Variants in UBE2K observed in about 807,000 individuals in gnomAD.
The protein encoded by UBE2K is ubiquitin conjugating enzyme E2 K, also known as ubiquitin-conjugating enzyme E2 K.
In UBE2K, 6 loss-of-function variants were observed where a neutral mutation model predicts 30.0. The observed-to-expected ratio is 0.20, with a 90% CI of 0.11 to 0.39. The LOEUF (loss-of-function observed/expected upper bound fraction) is 0.39, where lower values mean the gene tolerates loss of function less well. Ranked by LOEUF, UBE2K falls within the 10% of genes least tolerant of loss-of-function variation. UBE2K has a pLI of 1.00. For missense variants in UBE2K, 61 were observed against 241.6 expected (o/e 0.25, Z 4.96); for synonymous variants, 86 against 83.7 (o/e 1.03, Z -0.15).
At chr4:39,774,235 C>T (rs939639702) in intron 4 of UBE2K, among the ~76,000 whole-genome samples, 11 of 151,996 alleles carry the variant, frequency 7.2e-5, no homozygotes, top group Admixed American at 5.2e-4. Flanking sequence ...GCCCAGGAGG[C>T]GGAGGTTGCA....
At chr4:39,746,664 G>T (rs540215698) in intron 3 of UBE2K, among the ~76,000 whole-genome samples, 2 of 152,224 alleles carry the variant, frequency 1.3e-5, no homozygotes, top group Admixed American at 1.3e-4. Flanking sequence ...CACAATGTGG[G>T]TCTCATTTTC....
intron 1 of UBE2K, among the ~76,000 whole-genome samples, chr4:39,726,220 T>G (rs1719744259): frequency 1.3e-5 from 2 of 152,284 alleles, no homozygotes; most frequent in South Asian, 4.1e-4. Context: ...GGTCTCGAAC[T>G]CCTGACCTCA....
chr4:39,729,313 C>T (rs535037723), intron 1 of UBE2K, among the ~76,000 whole-genome samples: 104 of 152,166 alleles, frequency 6.8e-4, no homozygotes, highest in African/African-American at 2.1e-3. Flanking sequence ...CTCCTGAACC[C>T]GAGACCTGAA....
chr4:39,769,723 C>G (rs1285413736), intron 4 of UBE2K, among the ~76,000 whole-genome samples: 2 of 148,986 alleles, frequency 1.3e-5, no homozygotes, highest in African/African-American at 4.9e-5. Context: ...GAACCTTCCC[C>G]TGGGCAGGCT....
At chr4:39,773,325 G>A (rs62310130) in intron 4 of UBE2K, among the ~76,000 whole-genome samples, 78,629 of 151,176 alleles carry the variant, frequency 0.52, 21,295 homozygotes, top group East Asian at 0.66. Context: ...AAAATTAGCC[G>A]GGCATGGTGG....
intron 1 of UBE2K, among the ~76,000 whole-genome samples, chr4:39,717,273 G>A (rs978546364): frequency 1.4e-5 from 2 of 142,430 alleles, no homozygotes; most frequent in African/African-American, 2.6e-5. Flanking sequence ...TCGCTATATC[G>A]CCCAGGCTGG....
At chr4:39,773,489 AAAG>A (rs1261911014) in intron 4 of UBE2K, among the ~76,000 whole-genome samples, 2 of 151,876 alleles carry the variant, frequency 1.3e-5, no homozygotes, top group East Asian at 1.9e-4. Context: ...AGAAAAGAAA[AAAG>A]AAAATATATT....
At chr4:39,760,176 C>CAA (rs71194913) in intron 4 of UBE2K, among the ~76,000 whole-genome samples, 32,787 of 76,584 alleles carry the variant, frequency 0.43, 8,098 homozygotes, top group South Asian at 0.52. Context: ...GACTCTGTCA[C>CAA]AAAAAAAAAA....
chr4:39,773,205 C>T (rs1209094467), intron 4 of UBE2K, among the ~76,000 whole-genome samples: 1 of 151,764 alleles, frequency 6.6e-6, no homozygotes, highest in Non-Finnish European at 1.5e-5. Flanking sequence ...CGCGGTGGCT[C>T]AAGCCTGTAA....
chr4:39,724,220 A>G (rs572280439), intron 1 of UBE2K, among the ~76,000 whole-genome samples: 4 of 147,566 alleles, frequency 2.7e-5, no homozygotes, highest in African/African-American at 1.0e-4. Context: ...TGATCCTCCA[A>G]CCTCAGCCTC....
At chr4:39,744,285 G>C (rs947652807) in intron 2 of UBE2K, among the ~76,000 whole-genome samples, 4 of 152,090 alleles carry the variant, frequency 2.6e-5, no homozygotes, top group Non-Finnish European at 5.9e-5. Flanking sequence ...CCATTCTTCT[G>C]CCTCAGCCTC....
chr4:39,723,619 C>T (rs1405060762), intron 1 of UBE2K, among the ~76,000 whole-genome samples: 3 of 152,226 alleles, frequency 2.0e-5, no homozygotes, highest in East Asian at 1.9e-4. Context: ...CCGCCTGCCT[C>T]GGCCTCCGAA....
chr4:39,729,656 A>G (rs1293426835), intron 1 of UBE2K, among the ~76,000 whole-genome samples: 3 of 151,904 alleles, frequency 2.0e-5, no homozygotes, highest in African/African-American at 7.3e-5. Flanking sequence ...GGTGATCTCT[A>G]AGAGACCCAG....
At chr4:39,723,105 A>G (rs2109329897) in intron 1 of UBE2K, among the ~76,000 whole-genome samples, 1 of 151,088 alleles carries the variant, frequency 6.6e-6, no homozygotes, top group South Asian at 2.1e-4. Flanking sequence ...GTGCAGTGGT[A>G]CAACTTCAGC....
At chr4:39,738,020 G>A (rs948704634) in intron 2 of UBE2K, among the ~76,000 whole-genome samples, 1 of 152,168 alleles carries the variant, frequency 6.6e-6, no homozygotes, top group Non-Finnish European at 1.5e-5. Context: ...ATAGAAAGGA[G>A]GTGGCTTTGC....
At chr4:39,734,679 G>C (rs182258066) in intron 1 of UBE2K, among the ~76,000 whole-genome samples, 1 of 152,100 alleles carries the variant, frequency 6.6e-6, no homozygotes, top group African/African-American at 2.4e-5. Context: ...AGGCATGGTG[G>C]TGCACACCTC....
chr4:39,742,356 CT>C (rs1720750383), intron 2 of UBE2K, among the ~76,000 whole-genome samples: 1 of 151,626 alleles, frequency 6.6e-6, no homozygotes, highest in African/African-American at 2.4e-5. Flanking sequence ...CTTTCCACTA[CT>C]TTTCTTTAAA....
chr4:39,735,447 C>T (rs1315127277), intron 1 of UBE2K, among the ~76,000 whole-genome samples: 1 of 152,222 alleles, frequency 6.6e-6, no homozygotes, highest in Non-Finnish European at 1.5e-5. Flanking sequence ...GTGGCGTGAT[C>T]TCGGCTCACT....
chr4:39,774,770 A>C, intron 4 of UBE2K, 64 bp from the exon 5 acceptor site: 1 of 980,802 alleles, frequency 1.0e-6, no homozygotes, highest in Non-Finnish European at 1.4e-6. Flanking sequence ...TTTTATTAAG[A>C]AAATACTTTG....
Sources: allele counts gnomAD v4.1 joint callset (sites outside exome capture counted in the v4.1 genomes callset), GRCh38; gene constraint gnomAD v4.1.1; transcripts MANE v1.5; gene names NCBI Gene and HGNC (gene_info 2026-07-23, HGNC 2026-07-21).